Variants in PARP8 observed in about 807,000 individuals in gnomAD.
The protein encoded by PARP8 is poly(ADP-ribose) polymerase family member 8.
PARP8 carries 51 observed loss-of-function variants against 124.1 expected under a neutral mutation model. That is an observed-to-expected ratio of 0.41 (90% CI 0.33 to 0.52). PARP8 has a LOEUF of 0.52. Ranked by LOEUF, PARP8 falls within the 20% of genes least tolerant of loss-of-function variation. The probability of loss-of-function intolerance (pLI) is 0.21; values close to 1 mark genes in which losing one functional copy is unlikely to be tolerated. For synonymous variants in PARP8, 391 were observed against 361.5 expected (o/e 1.08, Z -0.93); for missense variants, 860 against 1,018.9 (o/e 0.84, Z 2.12).
At chr5:50,719,953 G>A (rs2149500772) in intron 2 of PARP8, among the ~76,000 whole-genome samples, 1 of 152,040 alleles carries the variant, frequency 6.6e-6, no homozygotes, top group South Asian at 2.1e-4. Flanking sequence ...AAGAGAACCT[G>A]TAGTGTCTTG....
At chr5:50,727,134 G>T (rs191317840) in intron 2 of PARP8, among the ~76,000 whole-genome samples, 2 of 152,256 alleles carry the variant, frequency 1.3e-5, no homozygotes, top group Non-Finnish European at 2.9e-5. Context: ...TCTGATAATA[G>T]TTTTTGGTAA....
intron 1 of PARP8, chr5:50,667,424 T>C (rs1284923824): frequency 1.4e-6 from 1 of 701,774 alleles, no homozygotes; most frequent in African/African-American, 1.7e-5. Flanking sequence ...AGAGCCCGCG[T>C]GGCCGGAGCG....
intron 14 of PARP8, among the ~76,000 whole-genome samples, chr5:50,800,080 A>C (rs32376): frequency 1.1e-4 from 17 of 152,138 alleles, no homozygotes. Flanking sequence ...ACACCAGATC[A>C]TTTTATTTAT....
rs541013943 is a variant in PARP8, at chr5:50,816,302, C to T, written c.1668+778C>T. On this transcript the variant is annotated intron_variant, in intron 15 of 25. Transcript: ENST00000281631. ...GGAAGTAGAAACAAATGGCCTGTAA[C>T]GGGGAAAAATTGGTTTAGCGCTTTA... Among the ~76,000 whole-genome samples, 12 of 152,130 alleles carry T rather than the reference C, an allele frequency of 7.9e-5. No homozygotes were observed. The South Asian group carries it at 8.3e-4, about 10-fold the overall frequency.
chr5:50,746,666 A>G (rs1227653453), intron 2 of PARP8, among the ~76,000 whole-genome samples: 3 of 152,108 alleles, frequency 2.0e-5, no homozygotes, highest in Non-Finnish European at 2.9e-5. Context: ...CCTCTGATAT[A>G]TATATTTTTT....
chr5:50,726,114 T>C (rs1438951577), intron 2 of PARP8, among the ~76,000 whole-genome samples: 2 of 149,916 alleles, frequency 1.3e-5, no homozygotes, highest in Non-Finnish European at 3.0e-5. Flanking sequence ...TCCCTACTTA[T>C]TTTTTTTTTA....
Position 50,795,217 on chromosome 5 carries a change from T to C in PARP8, c.1228T>C (p.Ser410Pro). Residue 410 changes from serine to proline, a missense_variant, in exon 12 of 26, where the codon TCT (serine) becomes CCT (proline). Physicochemically the swap from Ser to Pro is moderately conservative, Grantham distance 74. Transcript: ENST00000281631. ...NLKPHKLLSR[S>P]YSSNLRMEEL... The stretch of plus-strand genomic sequence containing the variant: ...GAAGCCCCATAAACTGTTAAGCAGG[T>C]CTTACTCTAGTAATCTCAGAATGGA... 6.2e-7 allele frequency: 1 copy of C among 1,614,168 alleles called. No homozygotes were observed. The highest frequency in any genetic ancestry group is 1.1e-5 in the South Asian group (1 of 91,084).
chr5:50,752,417 T>C (rs561157802), intron 3 of PARP8, among the ~76,000 whole-genome samples: 32 of 152,150 alleles, frequency 2.1e-4, no homozygotes, highest in African/African-American at 7.7e-4. Context: ...TATTATCTCT[T>C]CTGTTTTTCT....
rs767954941 is a variant in PARP8 at position 50,760,379 on chromosome 5, T to C, written c.345+17T>C. 6.7e-6 allele frequency: 10 copies of C among 1,482,266 alleles called. No individual in the cohort carries two copies. In the African/African-American group the frequency reaches 1.1e-4, roughly 17 times the overall value. 91.8% of individuals were successfully genotyped at this position (1,482,266 alleles called of 1,614,324 possible). On this transcript the variant is annotated intron_variant, in intron 5 of 25. Coordinates refer to ENST00000281631, the MANE Select transcript of PARP8 (RefSeq NM_024615.4). Reference sequence around the variant, plus strand: ...AATGGGGAGGTATGTAAATTATATTTTTTATTTTCTTGAAACAGTATAGAT... The same window carrying C: ...AATGGGGAGGTATGTAAATTATATTCTTTATTTTCTTGAAACAGTATAGAT...
At chr5:50,838,187 C>G (rs1747795453) in intron 25 of PARP8, among the ~76,000 whole-genome samples, 1 of 152,120 alleles carries the variant, frequency 6.6e-6, no homozygotes, top group Non-Finnish European at 1.5e-5. Flanking sequence ...CTCACCTTCT[C>G]CAGTCTGTGC....
At chr5:50,744,926 C>A (rs1758392917) in intron 2 of PARP8, 1 of 591,318 alleles carries the variant, frequency 1.7e-6, no homozygotes, top group African/African-American at 1.9e-5. Flanking sequence ...CAGTACTCTG[C>A]AATCTACTTA....
intron 2 of PARP8, among the ~76,000 whole-genome samples, chr5:50,738,106 T>A (rs1472588980): frequency 2.0e-5 from 3 of 152,152 alleles, no homozygotes; most frequent in African/African-American, 4.8e-5. Context: ...CCCAAAAGAC[T>A]GTATCCAAAA....
At chr5:50,671,037 A>T (rs1441816137) in intron 2 of PARP8, among the ~76,000 whole-genome samples, 1 of 152,220 alleles carries the variant, frequency 6.6e-6, no homozygotes, top group African/African-American at 2.4e-5. Context: ...GTTCTGCCAC[A>T]GGTTCAGAGC....
At chr5:50,753,158 A>G (rs1186089537) in intron 3 of PARP8, among the ~76,000 whole-genome samples, 1 of 152,020 alleles carries the variant, frequency 6.6e-6, no homozygotes, top group African/African-American at 2.4e-5. Context: ...AATGAATTAC[A>G]CAATAGTTGT....
chr5:50,681,260 A>G (rs1298776020), intron 2 of PARP8, among the ~76,000 whole-genome samples: 1 of 152,078 alleles, frequency 6.6e-6, no homozygotes, highest in Non-Finnish European at 1.5e-5. Context: ...CAATTAAGCA[A>G]TTGATATTTG....
chr5:50,719,694 G>A (rs1755679036), intron 2 of PARP8, among the ~76,000 whole-genome samples: 1 of 151,780 alleles, frequency 6.6e-6, no homozygotes, highest in Non-Finnish European at 1.5e-5. Context: ...GGTGTTTTTG[G>A]CTCCTGTGTT....
intron 9 of PARP8, among the ~76,000 whole-genome samples, chr5:50,785,111 C>T (rs948222239): frequency 2.0e-5 from 3 of 151,580 alleles, no homozygotes; most frequent in Admixed American, 6.6e-5. Flanking sequence ...TTACAAATTG[C>T]GAATTTTGGA....
chr5:50,783,455 A>G (rs923527428), intron 9 of PARP8, among the ~76,000 whole-genome samples: 12 of 152,226 alleles, frequency 7.9e-5, no homozygotes, highest in Non-Finnish European at 1.8e-4. Flanking sequence ...TTTGATTTAC[A>G]TAAATGCTAT....
chr5:50,796,097 C>G (rs762501679), intron 12 of PARP8, among the ~76,000 whole-genome samples: 8 of 152,138 alleles, frequency 5.3e-5, no homozygotes, highest in Non-Finnish European at 1.0e-4. Flanking sequence ...TAGCCAAGTT[C>G]ATGCTAGTGA....
Sources: allele counts gnomAD v4.1 joint callset (sites outside exome capture counted in the v4.1 genomes callset), GRCh38; gene constraint gnomAD v4.1.1; transcripts MANE v1.5; gene names NCBI Gene and HGNC (gene_info 2026-07-23, HGNC 2026-07-21).